Variants in CPE observed in about 807,000 individuals in gnomAD.
CPE encodes the protein carbocypeptidase E.
Under a neutral mutation model 53.5 loss-of-function variants are expected in CPE, and 17 were observed. That is an observed-to-expected ratio of 0.32 (90% CI 0.22 to 0.48). The LOEUF (loss-of-function observed/expected upper bound fraction) is 0.48. Ranked by LOEUF, CPE falls within the 20% of genes least tolerant of loss-of-function variation. The pLI, the probability that CPE is intolerant of heterozygous loss-of-function variation, is 0.99. For synonymous variants in CPE, 226 were observed against 228.8 expected (o/e 0.99, Z 0.11); for missense variants, 524 against 614.7 (o/e 0.85, Z 1.56).
intron 1 of CPE, among the ~76,000 whole-genome samples, chr4:165,392,141 C>T (rs932585423): frequency 6.0e-5 from 9 of 149,552 alleles, no homozygotes; most frequent in Admixed American, 1.3e-4. Flanking sequence ...CTCATCAAGA[C>T]GGTAAAACTA....
At chr4:165,455,778 G>C (rs778976888) in intron 1 of CPE, among the ~76,000 whole-genome samples, 14 of 151,814 alleles carry the variant, frequency 9.2e-5, no homozygotes, top group Admixed American at 2.6e-4. Context: ...TCAGCCTCTC[G>C]AGTAGCTGGA....
intron 1 of CPE, among the ~76,000 whole-genome samples, chr4:165,414,835 G>A (rs1051301791): frequency 4.0e-5 from 6 of 151,834 alleles, no homozygotes; most frequent in South Asian, 2.1e-4. Context: ...TCACATGACC[G>A]CAGGGACAGC....
chr4:165,393,309 T>A (rs1730714237), intron 1 of CPE, among the ~76,000 whole-genome samples: 2 of 152,208 alleles, frequency 1.3e-5, no homozygotes, highest in Admixed American at 1.3e-4. Context: ...GATCATGCAG[T>A]TTGTCAGATG....
intron 1 of CPE, among the ~76,000 whole-genome samples, chr4:165,426,684 C>T (rs1228530132): frequency 6.6e-6 from 1 of 152,118 alleles, no homozygotes; most frequent in Non-Finnish European, 1.5e-5. Flanking sequence ...AAGAAATACA[C>T]ATGCACACTC....
chr4:165,451,230 T>G (rs55748587), intron 1 of CPE, among the ~76,000 whole-genome samples: 2,213 of 152,314 alleles, frequency 0.015, 36 homozygotes, highest in African/African-American at 0.039. Context: ...GAAGGATTGC[T>G]TAATTTTCCA....
intron 1 of CPE, chr4:165,404,159 A>T: frequency 1.3e-6 from 1 of 764,242 alleles, no homozygotes; most frequent in Non-Finnish European, 2.4e-6. Context: ...ATACTTCTTG[A>T]GCCGGTCCAC....
chr4:165,468,618 C>T lies in CPE; in HGVS notation c.672+763C>T, dbSNP rs113269318. Among the ~76,000 whole-genome samples, 1,129 of 152,272 alleles carry T rather than the reference C, an allele frequency of 7.4e-3. 10 individuals are homozygous for T. The highest frequency in any genetic ancestry group is 0.026 in the African/African-American group (1,067 of 41,550). ...CCGCTCACCAGTTACCACCTCTCAG[C>T]GATTTGATCTCTCTGACACCTCTTC... On this transcript the variant is annotated intron_variant, in intron 3 of 8. Transcript: ENST00000402744.
At chr4:165,423,906 T>A (rs553295110) in intron 1 of CPE, among the ~76,000 whole-genome samples, 107 of 151,194 alleles carry the variant, frequency 7.1e-4, no homozygotes, top group African/African-American at 2.4e-3. Context: ...TGGTTTTTTG[T>A]TCTTGCGATA....
intron 3 of CPE, among the ~76,000 whole-genome samples, chr4:165,473,698 A>AG (rs1732245338): frequency 6.6e-6 from 1 of 152,244 alleles, no homozygotes; most frequent in African/African-American, 2.4e-5. Context: ...ATTTTTGCCC[A>AG]AAAGAGTGTG....
intron 1 of CPE, among the ~76,000 whole-genome samples, chr4:165,437,548 A>G (rs755099202): frequency 2.0e-5 from 3 of 152,218 alleles, no homozygotes; most frequent in South Asian, 2.1e-4. Context: ...CTGAAGAGAT[A>G]AAGATGAAGA....
At chr4:165,407,983 G>C (rs1358207346) in intron 1 of CPE, among the ~76,000 whole-genome samples, 1 of 151,904 alleles carries the variant, frequency 6.6e-6, no homozygotes, top group East Asian at 1.9e-4. Flanking sequence ...ACCTGGGGCT[G>C]TCTATTCATT....
chr4:165,448,831 C>T (rs1041187399), intron 1 of CPE, among the ~76,000 whole-genome samples: 18 of 152,072 alleles, frequency 1.2e-4, no homozygotes, highest in Admixed American at 5.2e-4. Flanking sequence ...GAGGTAAACA[C>T]CTGAAACTTG....
intron 1 of CPE, among the ~76,000 whole-genome samples, chr4:165,398,604 A>T (rs1730814260): frequency 6.6e-6 from 1 of 152,206 alleles, no homozygotes; most frequent in Admixed American, 6.5e-5. Context: ...CTAAGCAGTT[A>T]TTTTAACTAA....
chr4:165,487,070 A>T (rs1732517103), intron 5 of CPE, among the ~76,000 whole-genome samples: 1 of 152,212 alleles, frequency 6.6e-6, no homozygotes, highest in Admixed American at 6.5e-5. Context: ...GTTCTTCTCC[A>T]GTAGAAAGGT....
chr4:165,431,988 C>A (rs1731416549), intron 1 of CPE, among the ~76,000 whole-genome samples: 1 of 151,344 alleles, frequency 6.6e-6, no homozygotes. Flanking sequence ...CACCCTACAC[C>A]CCAATTAAAA....
chr4:165,485,251 A>G (rs74731877), intron 5 of CPE, among the ~76,000 whole-genome samples: 5,925 of 152,214 alleles, frequency 0.039, 137 homozygotes, highest in Non-Finnish European at 0.053. Flanking sequence ...TATTTTCACT[A>G]ACACTCAAGG....
At chr4:165,398,051 TA>T (rs397955897) in intron 1 of CPE, among the ~76,000 whole-genome samples, 2,270 of 92,220 alleles carry the variant, frequency 0.025, 39 homozygotes, top group African/African-American at 0.068. Flanking sequence ...TCCTCATTTC[TA>T]AAAAAAAAAA....
chr4:165,482,098 A>G (rs1266885094), intron 3 of CPE, 144 bp from the exon 4 acceptor site: 1 of 426,478 alleles, frequency 2.3e-6, no homozygotes, highest in Non-Finnish European at 4.1e-6. Flanking sequence ...AGGAACCTTT[A>G]TTTTTTCTGT....
chr4:165,394,304 CTT>C (rs1358783957), intron 1 of CPE, among the ~76,000 whole-genome samples: 1 of 152,148 alleles, frequency 6.6e-6, no homozygotes, highest in Non-Finnish European at 1.5e-5. Flanking sequence ...GTTATGAAAA[CTT>C]ATTAGCAAAG....
Sources: gnomAD v4.1 joint callset for allele counts (sites outside exome capture counted in the v4.1 genomes callset) on GRCh38, gnomAD v4.1.1 for gene constraint, MANE v1.5 for transcripts, NCBI Gene and HGNC (gene_info 2026-07-23, HGNC 2026-07-21) for gene names.